GPC6: variants seen among roughly 807,000 people sequenced by gnomAD.
GPC6 encodes the protein glypican 6.
In GPC6, 14 loss-of-function variants were observed where a neutral mutation model predicts 55.2. That is an observed-to-expected ratio of 0.25 (90% CI 0.17 to 0.40). The LOEUF is 0.40. Ranked by LOEUF, GPC6 falls within the 10% of genes least tolerant of loss-of-function variation. The pLI, the probability that GPC6 is intolerant of heterozygous loss-of-function variation, is 1.00. For missense variants in GPC6, 641 were observed against 708.5 expected (o/e 0.90, Z 1.08); for synonymous variants, 278 against 259.6 (o/e 1.07, Z -0.68).
chr13:94,379,754 C>T (rs1880073254), intron 6 of GPC6, among the ~76,000 whole-genome samples: 1 of 152,156 alleles, frequency 6.6e-6, no homozygotes, highest in Non-Finnish European at 1.5e-5. Flanking sequence ...CCCTGGAATC[C>T]CCTAAGCTGT....
intron 4 of GPC6, among the ~76,000 whole-genome samples, chr13:94,211,599 C>T (rs946909344): frequency 6.6e-6 from 1 of 152,138 alleles, no homozygotes; most frequent in Non-Finnish European, 1.5e-5. Flanking sequence ...ACTGATAGCA[C>T]CTGTGCATGG....
intron 4 of GPC6, among the ~76,000 whole-genome samples, chr13:94,085,026 T>A (rs1217774317): frequency 6.6e-6 from 1 of 151,866 alleles, no homozygotes; most frequent in Non-Finnish European, 1.5e-5. Context: ...ATAATTCATG[T>A]ATAAAAAGAG....
chr13:93,787,163 A>T (rs9556326), intron 2 of GPC6, among the ~76,000 whole-genome samples: 51,134 of 151,992 alleles, frequency 0.34, 9,152 homozygotes, highest in African/African-American at 0.46. Context: ...CCACATTTTT[A>T]AAAAAGCTGT....
At chr13:93,878,385 C>G (rs531447292) in intron 3 of GPC6, among the ~76,000 whole-genome samples, 2 of 152,094 alleles carry the variant, frequency 1.3e-5, no homozygotes, top group South Asian at 4.2e-4. Context: ...TCTTACCTTT[C>G]AGACTCTTTT....
chr13:94,240,751 G>A (rs1445686442), intron 4 of GPC6, among the ~76,000 whole-genome samples: 5 of 152,172 alleles, frequency 3.3e-5, no homozygotes, highest in Non-Finnish European at 7.4e-5. Context: ...ACAGCAGTGA[G>A]GCCAGTGCTG....
At chr13:93,871,746 C>A (rs1188273150) in intron 3 of GPC6, among the ~76,000 whole-genome samples, 2 of 151,854 alleles carry the variant, frequency 1.3e-5, no homozygotes, top group African/African-American at 4.8e-5. Context: ...TTGTAAGTCA[C>A]CATTACCAGT....
intron 4 of GPC6, among the ~76,000 whole-genome samples, chr13:94,087,072 AG>A (rs1482261657): frequency 6.6e-6 from 1 of 152,216 alleles, no homozygotes; most frequent in African/African-American, 2.4e-5. Flanking sequence ...GTTAAGGAAA[AG>A]TTCTCTCAGT....
chr13:94,125,440 T>C (rs1333939102), intron 4 of GPC6, among the ~76,000 whole-genome samples: 2 of 152,182 alleles, frequency 1.3e-5, no homozygotes, highest in South Asian at 4.1e-4. Flanking sequence ...TCATGATATG[T>C]TCAGTTCAGT....
rs1399057028 is a variant in GPC6, at chr13:93,227,427, G to T, written c.-30G>T. 1 of 1,612,168 alleles carries T rather than the reference G, an allele frequency of 6.2e-7. No individual in the cohort carries two copies. The highest frequency in any genetic ancestry group is 8.5e-7 in the Non-Finnish European group (1 of 1,178,586). On this transcript the variant is annotated 5_prime_UTR_variant, in exon 1 of 9. Coordinates refer to ENST00000377047, the MANE Select transcript of GPC6 (RefSeq NM_005708.5). The surrounding 1 kb of genome is among the most constrained non-coding windows in gnomAD (Gnocchi z 4.3). ...AGGTGAAGAGCGCACCGGCCGTGGG[G>T]TTTACCGAGCTGGATTTGTATGTTG...
intron 7 of GPC6, among the ~76,000 whole-genome samples, chr13:94,396,736 C>CTTATACT (rs1188604043): frequency 6.6e-6 from 1 of 152,136 alleles, no homozygotes; most frequent in Non-Finnish European, 1.5e-5. Context: ...CAAGGAGGGT[C>CTTATACT]CCTGGAGAGA....
intron 1 of GPC6, among the ~76,000 whole-genome samples, chr13:93,443,754 GA>G (rs1267220422): frequency 4.6e-5 from 7 of 152,198 alleles, no homozygotes; most frequent in Non-Finnish European, 1.0e-4. Context: ...AAGCAGGTTA[GA>G]AATCTAGGAC....
chr13:93,453,349 T>C (rs1878298992), intron 1 of GPC6, among the ~76,000 whole-genome samples: 2 of 152,106 alleles, frequency 1.3e-5, no homozygotes, highest in Non-Finnish European at 2.9e-5. Flanking sequence ...TGAAAGCAAG[T>C]TGAAATTAGA....
chr13:93,958,630 G>GT (rs1488668602), intron 3 of GPC6, among the ~76,000 whole-genome samples: 10 of 152,044 alleles, frequency 6.6e-5, no homozygotes, highest in Non-Finnish European at 1.2e-4. Flanking sequence ...GAATAGTGTG[G>GT]TGCCTCTGGC....
chr13:93,444,888 G>A (rs935477907), intron 1 of GPC6, among the ~76,000 whole-genome samples: 2 of 152,056 alleles, frequency 1.3e-5, no homozygotes, highest in African/African-American at 4.8e-5. Context: ...ATTGTTTTTA[G>A]AAGTAGTGTA....
chr13:93,696,060 C>T (rs944685713), intron 2 of GPC6, among the ~76,000 whole-genome samples: 2 of 151,560 alleles, frequency 1.3e-5, no homozygotes, highest in South Asian at 2.1e-4. Flanking sequence ...TGACATTTTT[C>T]CTTTTTGAAA....
chr13:93,510,208 A>AAT (rs1482925780), intron 1 of GPC6, among the ~76,000 whole-genome samples: 4 of 152,050 alleles, frequency 2.6e-5, no homozygotes, highest in Non-Finnish European at 5.9e-5. Flanking sequence ...TCTTGAGTAC[A>AAT]ATACATTTTT....
chr13:94,075,720 TC>T (rs1239323536), intron 4 of GPC6, among the ~76,000 whole-genome samples: 1 of 152,176 alleles, frequency 6.6e-6, no homozygotes, highest in Non-Finnish European at 1.5e-5. Flanking sequence ...TCAGTATTTG[TC>T]CTTCTATGCC....
At chr13:93,231,867 G>A (rs190251525) in intron 1 of GPC6, among the ~76,000 whole-genome samples, 3 of 152,010 alleles carry the variant, frequency 2.0e-5, no homozygotes, top group Middle Eastern at 3.4e-3. Context: ...TTGAGAGTTG[G>A]GTTACAGCTG....
chr13:93,322,836 C>T (rs113503021), intron 1 of GPC6, among the ~76,000 whole-genome samples: 5,771 of 151,990 alleles, frequency 0.038, 332 homozygotes, highest in African/African-American at 0.13. Flanking sequence ...ATGTGCAGAA[C>T]GTGCATGTTG....
Sources: gnomAD v4.1 joint callset for allele counts (sites outside exome capture counted in the v4.1 genomes callset) on GRCh38, gnomAD v4.1.1 for gene constraint, Gnocchi (gnomAD v3.1) non-coding constraint, MANE v1.5 for transcripts, NCBI Gene and HGNC (gene_info 2026-07-23, HGNC 2026-07-21) for gene names.